The following OPLAH variants were observed in gnomAD, a reference collection of about 807,000 sequenced individuals.
OPLAH encodes the protein 5-oxoprolinase, ATP-hydrolysing.
OPLAH carries 103 observed loss-of-function variants against 122.8 expected under a neutral mutation model. That is an observed-to-expected ratio of 0.84 (90% CI 0.71 to 0.99). OPLAH has a LOEUF of 0.99. Ranked by LOEUF, OPLAH falls within the 50% of genes least tolerant of loss-of-function variation. The pLI, the probability that OPLAH is intolerant of heterozygous loss-of-function variation, is 0.00. For synonymous variants in OPLAH, 875 were observed against 796.0 expected (o/e 1.10, Z -1.67); for missense variants, 1,902 against 1,836.5 (o/e 1.04, Z -0.65).
At chr8:144,059,820 C>T in intron 2 of OPLAH, 30 bp from the exon 3 acceptor site, 1 of 1,610,850 alleles carries the variant, frequency 6.2e-7, no homozygotes, top group South Asian at 1.1e-5. Flanking sequence ...TGTGGGGCTT[C>T]TGGCCGTGGG....
rs1554758994 is a variant in OPLAH, at chr8:144,056,218, A to G, written c.2025T>C (p.Pro675=). The change falls in exon 15 of 27, where the codon CCT becomes CCC. Residue 675 remains proline, a synonymous_variant. Coordinates refer to ENST00000618853, the MANE Select transcript of OPLAH (RefSeq NM_017570.5). ...AGCCCAGCTCTGCCAGCAGGTACAC[A>G]GGGGTCTCCTGGTAGCCCCCCTCAA... ...CYFEGGYQET[P]VYLLAELGYG... 6.2e-7 allele frequency: 1 copy of G among 1,612,082 alleles called. No homozygotes were observed.
Position 144,053,236 on chromosome 8 carries a change from C to T in OPLAH, c.2844G>A (p.Val948=). The change falls in exon 20 of 27, where the codon GTG becomes GTA. Residue 948 remains valine (V), a synonymous_variant. Transcript: ENST00000618853. ...GELIGQYGLD[V]VQAYMGHIQA... is the part of the protein sequence containing the mutation. ...GAATATGGCCCATGTAGGCCTGCAC[C>T]ACGTCCAGGCCGTACTGCCCAATGA... The T allele has an allele frequency of 6.2e-7, 1 of 1,612,868 alleles. No individual in the cohort carries two copies. The highest frequency in any genetic ancestry group is 8.5e-7 in the Non-Finnish European group (1 of 1,179,796).
At chr8:144,056,906 G>A (rs1554759351) in intron 12 of OPLAH, 42 bp downstream of exon 12, 7 of 1,537,510 alleles carry the variant, frequency 4.6e-6, no homozygotes, top group South Asian at 1.2e-5. Flanking sequence ...GGCGTGGTGA[G>A]GACAACGTAA....
downstream of OPLAH, chr8:144,051,006 G>C (rs1416227696): frequency 8.9e-7 from 1 of 1,123,750 alleles, no homozygotes; most frequent in Non-Finnish European, 1.1e-6. Context: ...AAGCCGCCGA[G>C]CTAAGCCCTG....
chr8:144,060,358 G>A (rs1835638320), intron 1 of OPLAH, among the ~76,000 whole-genome samples: 1 of 152,322 alleles, frequency 6.6e-6, no homozygotes, highest in East Asian at 1.9e-4. Context: ...AGGTGGGGAC[G>A]CCGCTGGACC....
rs782279594 is a variant in OPLAH, at chr8:144,058,587, C to T, written c.692G>A (p.Arg231Gln). ...GGCGTCGGCACAGGCCGTGTGCCCCCGAGGGACGATGCGCACCATGGGCAT... is the reference window on the plus strand; with the variant it reads ...GGCGTCGGCACAGGCCGTGTGCCCCTGAGGGACGATGCGCACCATGGGCAT... ...EAMPMVRIVP[R>Q]GHTACADAYL... is the part of the protein sequence containing the mutation. The change falls in exon 6 of 27, where the codon CGG (arginine) becomes CAG (glutamine). Residue 231 changes from arginine (R) to glutamine (Q), a missense_variant. Transcript: ENST00000618853. 5 of 1,602,798 alleles carry T rather than the reference C, an allele frequency of 3.1e-6. No homozygotes were observed. Among genetic ancestry groups the T allele is most frequent in the Non-Finnish European group, 3.4e-6 (4 of 1,179,382 alleles).
rs117092933 is a variant in OPLAH at position 144,058,386 on chromosome 8, T to G, written c.802A>C (p.Met268Leu). ...GQLKDVQVLFMRSDGGLAPMD... is the reference protein window; with the variant it reads ...GQLKDVQVLFLRSDGGLAPMD... ...GGCGCCAGGCCGCCATCGGAGCGCATGAACAACACCTGCACATCCTGCGAG... is the reference window on the plus strand; with the variant it reads ...GGCGCCAGGCCGCCATCGGAGCGCAGGAACAACACCTGCACATCCTGCGAG... Residue 268 changes from methionine (M) to leucine (L), a missense_variant, in exon 7 of 27, where the codon ATG becomes CTG. Met to Leu is a conservative substitution (Grantham distance 15, BLOSUM62 2). Transcript: ENST00000618853. The G allele has an allele frequency of 9.4e-6, 15 of 1,593,862 alleles. No individual in the cohort carries two copies. In the East Asian group the frequency reaches 2.5e-4, roughly 26 times the overall value.
rs372326011 is a variant in OPLAH, at chr8:144,052,643, G to A, written c.3154-45C>T. The A allele has an allele frequency of 7.8e-5, 121 of 1,552,894 alleles. 1 individual carries two copies. In the African/African-American group the frequency reaches 1.2e-3, roughly 15 times the overall value. On this transcript the variant is annotated intron_variant, in intron 22 of 26. Transcript: ENST00000618853. ...CTCAGGAGCTCTTGGGGTGGGCTCC[G>A]GGAGAAACAGCACCCCACCCCCCGC...
intron 19 of OPLAH, among the ~76,000 whole-genome samples, chr8:144,053,865 C>T (rs1279554038): frequency 6.7e-6 from 1 of 149,196 alleles, no homozygotes; most frequent in Non-Finnish European, 1.5e-5. Flanking sequence ...CCCCCCTTCC[C>T]TGCAGCTGCT....
chr8:144,054,616 C>T lies in OPLAH; in HGVS notation c.2631G>A (p.Glu877=). The change falls in exon 19 of 27, where the codon GAG becomes GAA. Residue 877 remains glutamate (E), a synonymous_variant. Coordinates refer to ENST00000618853, the MANE Select transcript of OPLAH (RefSeq NM_017570.5). ...GTTTGAAGGACAGAAAGACGGCACC[C>T]TCCTGTTGCAGCATGGTGGAGTGGG... ...MPPHSTMLQQ[E]GAVFLSFKLV... 2.5e-6 allele frequency: 4 copies of T among 1,608,742 alleles called. No homozygotes were observed. The South Asian group carries it at 4.4e-5, about 18-fold the overall frequency.
At chr8:144,061,935 G>A (rs1554760961), upstream of OPLAH, among the ~76,000 whole-genome samples, 2 of 150,728 alleles carry the variant, frequency 1.3e-5, no homozygotes, top group African/African-American at 2.4e-5. Context: ...CAGGAGAATC[G>A]CTTGAACCCA....
Position 144,059,939 on chromosome 8 carries a change from C to A in OPLAH, c.94G>T (p.Val32Phe). The change falls in exon 2 of 27, where the codon GTC becomes TTC. Residue 32 changes from valine to phenylalanine, a missense_variant. Transcript: ENST00000618853. ...GGGTCCTCTGAGAGCAGTTTTAAGA[C>A]CCGCACGTGCCCCCCTGGGCACTGG... is the stretch of plus-strand genomic sequence containing the variant. ...FAQCPGGHVR[V>F]LKLLSEDPAN... 1 of 1,612,802 alleles carries A rather than the reference C, an allele frequency of 6.2e-7. No individual in the cohort carries two copies. Among genetic ancestry groups the A allele is most frequent in the Non-Finnish European group, 8.5e-7 (1 of 1,179,844 alleles).
downstream of OPLAH, chr8:144,050,339 T>A (rs1423408197): frequency 2.1e-6 from 2 of 958,104 alleles, no homozygotes; most frequent in African/African-American, 4.1e-5. Context: ...CTGACGCCGC[T>A]GCTGGACTGG....
Position 144,058,052 on chromosome 8 carries a change from A to C in OPLAH, c.1046T>G (p.Ile349Ser), listed in dbSNP as rs782468679. 30 of 1,612,346 alleles carry C rather than the reference A, an allele frequency of 1.9e-5. No homozygotes were observed. Among genetic ancestry groups the C allele is most frequent in the Admixed American group, 1.7e-4 (10 of 60,000 alleles). The change falls in exon 8 of 27, where the codon ATC becomes AGC. Residue 349 changes from isoleucine to serine, a missense_variant. Ile to Ser is a moderately radical substitution (Grantham distance 142). Around this residue, in one of 3 missense-constraint regions of OPLAH, gnomAD observed 1,726 missense variants for 1,642.1 expected, o/e 1.05. Coordinates refer to ENST00000618853, the MANE Select transcript of OPLAH (RefSeq NM_017570.5). Reference sequence around the variant, plus strand: ...ACCCCCTCCCGCTGCCACGGTGTTGATGTCCAGCTGCGGGGCCTGGAGGGT... The same window carrying C: ...ACCCCCTCCCGCTGCCACGGTGTTGCTGTCCAGCTGCGGGGCCTGGAGGGT... ...GVTLQAPQLD[I>S]NTVAAGGGSR...
chr8:144,051,137 T>A (rs1429899592), downstream of OPLAH: 1 of 1,413,068 alleles, frequency 7.1e-7, no homozygotes, highest in East Asian at 2.8e-5. Flanking sequence ...TGACGTTCAG[T>A]ACCGCCCTGG....
At chr8:144,062,810 C>T (rs945826348), upstream of OPLAH, among the ~76,000 whole-genome samples, 9 of 152,184 alleles carry the variant, frequency 5.9e-5, no homozygotes, top group African/African-American at 2.2e-4. Context: ...GCTATCCACT[C>T]ACAGACGAAA....
chr8:144,055,816 G>A lies in OPLAH; in HGVS notation c.2220C>T (p.Ile740=), dbSNP rs968554757. ...GPQLDPIQLS[I]FSHRFMSIAE... ...CAATGCTCATGAAGCGGTGTGAGAA[G>A]ATGGACAGCTGGATAGGGTCCAGCT... The change falls in exon 16 of 27, where the codon ATC becomes ATT. Residue 740 remains isoleucine (I), a synonymous_variant. Transcript: ENST00000618853. The surrounding 1 kb of genome is among the most constrained non-coding windows in gnomAD (Gnocchi z 6.5). 9.6e-6 allele frequency: 15 copies of A among 1,561,364 alleles called. No individual in the cohort carries two copies. The highest frequency in any genetic ancestry group is 1.2e-5 in the Non-Finnish European group (14 of 1,154,360).
Position 144,055,298 on chromosome 8 carries a change from C to A in OPLAH, c.2249-109G>T, listed in dbSNP as rs1835485493. On this transcript the variant is annotated intron_variant, in intron 16 of 26. Coordinates refer to ENST00000618853, the MANE Select transcript of OPLAH (RefSeq NM_017570.5). The surrounding 1 kb of genome is among the most constrained non-coding windows in gnomAD (Gnocchi z 6.5). ...ACTCAAACCCAGGACCCAGGAAAAA[C>A]CCAGCAGCTTTTTCCTGGGGAAGAC... 1 of 1,207,468 alleles carries A rather than the reference C, an allele frequency of 8.3e-7. No individual in the cohort carries two copies. The highest frequency in any genetic ancestry group is 2.8e-5 in the East Asian group (1 of 35,648). 74.8% of individuals were successfully genotyped at this position (1,207,468 alleles called of 1,614,324 possible).
upstream of OPLAH, among the ~76,000 whole-genome samples, chr8:144,063,232 C>A (rs536161188): frequency 5.3e-5 from 8 of 152,336 alleles, no homozygotes; most frequent in South Asian, 1.7e-3. This position sits in a 1 kb window ranked among gnomAD's most constrained non-coding sequence, Gnocchi z 4.2. Flanking sequence ...CAGCGGCTCC[C>A]CCACCCAGCG....
Sources: gnomAD v4.1 joint callset for allele counts (sites outside exome capture counted in the v4.1 genomes callset) on GRCh38, gnomAD v4.1.1 for gene constraint, gnomAD v4.1.1 regional missense constraint, Gnocchi (gnomAD v3.1) non-coding constraint, MANE v1.5 for transcripts, NCBI Gene and HGNC (gene_info 2026-07-23, HGNC 2026-07-21) for gene names.